RALYL: variants seen among roughly 807,000 people sequenced by gnomAD.
RALYL encodes the protein RNA-binding Raly-like protein.
In RALYL, 29 loss-of-function variants were observed where a neutral mutation model predicts 35.1. That is an observed-to-expected ratio of 0.83 (90% CI 0.61 to 1.13). RALYL has a LOEUF of 1.13. RALYL is among the 50% of genes most tolerant of loss of function. The probability of loss-of-function intolerance (pLI) is 0.00; values close to 1 mark genes in which losing one functional copy is unlikely to be tolerated. For synonymous variants in RALYL, 120 were observed against 127.6 expected (o/e 0.94, Z 0.40); for missense variants, 359 against 360.4 (o/e 1.00, Z 0.03).
At chr8:84,725,389 C>G (rs1304189366) in intron 2 of RALYL, among the ~76,000 whole-genome samples, 1 of 151,672 alleles carries the variant, frequency 6.6e-6, no homozygotes, top group Non-Finnish European at 1.5e-5. Flanking sequence ...TGAATCCAAT[C>G]AGTCTAGTCA....
intron 2 of RALYL, among the ~76,000 whole-genome samples, chr8:84,699,720 C>T (rs1839858651): frequency 6.6e-6 from 1 of 152,112 alleles, no homozygotes. Flanking sequence ...CAATGCACAT[C>T]TCCAATAAAC....
chr8:84,234,996 C>T (rs1390838203), intron 1 of RALYL, among the ~76,000 whole-genome samples: 1 of 152,040 alleles, frequency 6.6e-6, no homozygotes, highest in East Asian at 1.9e-4. Flanking sequence ...AACTTCTGAC[C>T]TTGTGATCTG....
At chr8:84,808,029 T>C (rs1434869080) in intron 4 of RALYL, among the ~76,000 whole-genome samples, 1 of 152,204 alleles carries the variant, frequency 6.6e-6, no homozygotes, top group Non-Finnish European at 1.5e-5. Context: ...CTCAACTATT[T>C]ATCTTTGTTT....
intron 1 of RALYL, among the ~76,000 whole-genome samples, chr8:84,403,143 T>G (rs536767245): frequency 6.6e-6 from 1 of 152,362 alleles, no homozygotes; most frequent in South Asian, 2.1e-4. Context: ...CTTTTTGCTG[T>G]GCAGAAGCTC....
At chr8:84,693,282 A>T (rs1421389190) in intron 2 of RALYL, among the ~76,000 whole-genome samples, 1 of 151,894 alleles carries the variant, frequency 6.6e-6, no homozygotes, top group Non-Finnish European at 1.5e-5. Flanking sequence ...TTACAGTTTC[A>T]CATAGCTGGG....
intron 2 of RALYL, among the ~76,000 whole-genome samples, chr8:84,533,328 C>T (rs2059391532): frequency 6.6e-6 from 1 of 151,990 alleles, no homozygotes; most frequent in Non-Finnish European, 1.5e-5. Context: ...ATTTTAAATG[C>T]TTAATAGAGA....
At chr8:84,861,025 A>C (rs937402778) in intron 5 of RALYL, among the ~76,000 whole-genome samples, 2 of 152,140 alleles carry the variant, frequency 1.3e-5, no homozygotes, top group Non-Finnish European at 2.9e-5. Flanking sequence ...TGTATGTATA[A>C]ACAAGATGTA....
chr8:84,224,146 A>G (rs760778643), intron 1 of RALYL, among the ~76,000 whole-genome samples: 1 of 152,182 alleles, frequency 6.6e-6, no homozygotes, highest in Non-Finnish European at 1.5e-5. Context: ...TCTTTCAGCT[A>G]TGGCTCACTT....
rs190405324 is a variant in RALYL at position 84,462,685 on chromosome 8, C to A, written c.-23-66614C>A. Among the ~76,000 whole-genome samples, 31 of 133,610 alleles carry A rather than the reference C, an allele frequency of 2.3e-4. No homozygotes were observed. The East Asian group carries it at 5.8e-3, about 25-fold the overall frequency. The allele number at this position is 133,610 out of a possible 152,430, so 87.7% of individuals were successfully genotyped here. On this transcript the variant is annotated intron_variant, in intron 1 of 8. Transcript: ENST00000521268. ...GCTTCATTTTGTAAAACTTATTTTT[C>A]TTCATTTATTTACTGAGTTTCTAGT... is the stretch of plus-strand genomic sequence containing the variant.
At chr8:84,837,058 T>C (rs1832166050) in intron 4 of RALYL, among the ~76,000 whole-genome samples, 1 of 152,184 alleles carries the variant, frequency 6.6e-6, no homozygotes, top group African/African-American at 2.4e-5. Context: ...AAATGCCAGC[T>C]CTTTCATGAA....
chr8:84,230,293 A>G (rs573364182), intron 1 of RALYL, among the ~76,000 whole-genome samples: 2 of 152,212 alleles, frequency 1.3e-5, no homozygotes, highest in African/African-American at 4.8e-5. Context: ...GAAATTCTCA[A>G]AACAATGTAT....
At chr8:84,469,926 C>G (rs1563989001) in intron 1 of RALYL, among the ~76,000 whole-genome samples, 2 of 152,238 alleles carry the variant, frequency 1.3e-5, no homozygotes, top group Non-Finnish European at 1.5e-5. Flanking sequence ...TCAGCCCTTT[C>G]TTTGACTCAG....
At chr8:84,673,308 A>G (rs1833606961) in intron 2 of RALYL, among the ~76,000 whole-genome samples, 1 of 152,092 alleles carries the variant, frequency 6.6e-6, no homozygotes, top group Non-Finnish European at 1.5e-5. Context: ...ATTTTCTCCC[A>G]TTCTTTAGGT....
chr8:84,869,626 A>G (rs1446243618), intron 6 of RALYL, among the ~76,000 whole-genome samples: 1 of 152,114 alleles, frequency 6.6e-6, no homozygotes, highest in Non-Finnish European at 1.5e-5. Flanking sequence ...CCTCACTAGA[A>G]GCCAGTAGGA....
intron 2 of RALYL, among the ~76,000 whole-genome samples, chr8:84,713,877 C>A (rs1842569002): frequency 6.6e-6 from 1 of 150,814 alleles, no homozygotes; most frequent in Non-Finnish European, 1.5e-5. Context: ...ATATATATAT[C>A]TCATATAATA....
At chr8:84,443,725 A>G (rs1201508642) in intron 1 of RALYL, among the ~76,000 whole-genome samples, 1 of 152,042 alleles carries the variant, frequency 6.6e-6, no homozygotes, top group Non-Finnish European at 1.5e-5. Flanking sequence ...GGGGTACAGT[A>G]TCTTCTTCTT....
chr8:84,611,697 T>C lies in RALYL; in HGVS notation c.256+82120T>C, dbSNP rs181712134. Among the ~76,000 whole-genome samples the C allele has an allele frequency of 3.6e-3, 547 of 152,310 alleles. 6 individuals carry two copies. The highest frequency in any genetic ancestry group is 0.013 in the African/African-American group (525 of 41,588). On this transcript the variant is annotated intron_variant, in intron 2 of 8. Coordinates refer to ENST00000521268, the MANE Select transcript of RALYL (RefSeq NM_173848.7). ...GCCTGTTTGATTAACGCAATAAATA[T>C]ATGGTCGTACATCATATAAGTATTT...
In RALYL at chr8:84,191,202, G is replaced by C. The variant is rs1442509489; in HGVS notation, c.-24+6778G>C. On this transcript the variant is annotated intron_variant, in intron 1 of 8. Coordinates refer to ENST00000521268, the MANE Select transcript of RALYL (RefSeq NM_173848.7). ...TGTGATTGTGTGTGTGTGTGTGTGT[G>C]TGTGTGTGTGTACAGTGATAACATG... 7.9e-5 allele frequency among the ~76,000 whole-genome samples: 12 copies of C among 151,834 alleles called. 1 individual carries two copies. The highest frequency in any genetic ancestry group is 7.9e-4 in the Admixed American group (12 of 15,226).
chr8:84,258,973 G>T (rs1831716717), intron 1 of RALYL, among the ~76,000 whole-genome samples: 1 of 151,982 alleles, frequency 6.6e-6, no homozygotes, highest in Admixed American at 6.6e-5. Flanking sequence ...TTAATTTATT[G>T]ATACTTGCGT....
Sources: gnomAD v4.1 joint callset for allele counts (sites outside exome capture counted in the v4.1 genomes callset) on GRCh38, gnomAD v4.1.1 for gene constraint, MANE v1.5 for transcripts, NCBI Gene and HGNC (gene_info 2026-07-23, HGNC 2026-07-21) for gene names.